Variants in TSHZ2 observed in about 807,000 individuals in gnomAD.
TSHZ2 encodes the protein teashirt zinc finger homeobox 2, also known as teashirt homolog 2.
TSHZ2 carries 21 observed loss-of-function variants against 74.4 expected under a neutral mutation model. The ratio of observed to expected loss-of-function variants is 0.28; its 90% confidence interval spans 0.20 to 0.41. The LOEUF is 0.41. Among genes scored for constraint, TSHZ2 ranks in the 10% least tolerant of loss-of-function variants. The probability of loss-of-function intolerance (pLI) is 1.00; values close to 1 mark genes in which losing one functional copy is unlikely to be tolerated. For synonymous variants in TSHZ2, 540 were observed against 515.3 expected (o/e 1.05, Z -0.65); for missense variants, 1,244 against 1,293.5 (o/e 0.96, Z 0.59).
intron 2 of TSHZ2, among the ~76,000 whole-genome samples, chr20:53,283,926 G>A (rs894982694): frequency 2.0e-5 from 3 of 152,300 alleles, no homozygotes; most frequent in East Asian, 1.9e-4. Context: ...ACCTGTGCTC[G>A]CCTGCTCCAT....
At chr20:53,106,040 A>G (rs1986353852) in intron 1 of TSHZ2, among the ~76,000 whole-genome samples, 1 of 152,230 alleles carries the variant, frequency 6.6e-6, no homozygotes, top group Non-Finnish European at 1.5e-5. Context: ...GGAATTATCA[A>G]ATACAAGTGT....
At chr20:53,100,733 A>G (rs1375184392) in intron 1 of TSHZ2, among the ~76,000 whole-genome samples, 1 of 152,178 alleles carries the variant, frequency 6.6e-6, no homozygotes, top group African/African-American at 2.4e-5. Context: ...CTTCTAAATT[A>G]AATCACATTC....
At chr20:53,299,999 A>T (rs897114817) in intron 2 of TSHZ2, among the ~76,000 whole-genome samples, 9 of 152,236 alleles carry the variant, frequency 5.9e-5, no homozygotes, top group African/African-American at 1.7e-4. Flanking sequence ...CGTGCTGTTC[A>T]GCTAATTCCC....
chr20:53,436,596 A>G (rs1228821520), intron 2 of TSHZ2, among the ~76,000 whole-genome samples: 2 of 132,570 alleles, frequency 1.5e-5, no homozygotes, highest in Non-Finnish European at 3.1e-5. Context: ...TGCAGGCTGG[A>G]GTGCAGTGGT....
At chr20:53,111,766 C>T (rs2123324792) in intron 1 of TSHZ2, among the ~76,000 whole-genome samples, 1 of 152,298 alleles carries the variant, frequency 6.6e-6, no homozygotes, top group Admixed American at 6.5e-5. Context: ...GAAATGCAGA[C>T]CCCAGATCGA....
At chr20:53,160,205 G>A (rs896088755) in intron 1 of TSHZ2, among the ~76,000 whole-genome samples, 1 of 152,260 alleles carries the variant, frequency 6.6e-6, no homozygotes, top group East Asian at 1.9e-4. Flanking sequence ...GACCATACTG[G>A]GCTAAGAATT....
At chr20:53,444,895 A>G (rs572633620) in intron 2 of TSHZ2, among the ~76,000 whole-genome samples, 18 of 152,234 alleles carry the variant, frequency 1.2e-4, no homozygotes, top group African/African-American at 4.3e-4. Flanking sequence ...TCCTTTTTCT[A>G]TTCTAAATCA....
At chr20:53,258,202 T>G (rs988066155) in intron 2 of TSHZ2, among the ~76,000 whole-genome samples, 1 of 152,216 alleles carries the variant, frequency 6.6e-6, no homozygotes, top group Non-Finnish European at 1.5e-5. Flanking sequence ...TTCTTCTCAT[T>G]CTTTCCAAGC....
intron 2 of TSHZ2, among the ~76,000 whole-genome samples, chr20:53,324,737 C>T (rs565735188): frequency 1.3e-5 from 2 of 152,186 alleles, no homozygotes; most frequent in Non-Finnish European, 2.9e-5. Context: ...GCTCTTTCTC[C>T]TGTAATCCTG....
chr20:53,170,370 TAC>T (rs2123483119), intron 1 of TSHZ2, among the ~76,000 whole-genome samples: 1 of 152,370 alleles, frequency 6.6e-6, no homozygotes, highest in Non-Finnish European at 1.5e-5. Context: ...TTAGGATAGA[TAC>T]AGTTTTGTAT....
At chr20:53,175,131 CTTTTTTTTTTTTTTT>C (rs750453219) in intron 1 of TSHZ2, among the ~76,000 whole-genome samples, 24 of 63,640 alleles carry the variant, frequency 3.8e-4, no homozygotes, top group African/African-American at 1.6e-3. Flanking sequence ...CTTCTTCTTT[CTTTTTTTTTTTTTTT>C]TTTTTTTTTT....
intron 1 of TSHZ2, among the ~76,000 whole-genome samples, chr20:53,137,607 A>G (rs1321966495): frequency 4.6e-5 from 7 of 152,116 alleles, no homozygotes; most frequent in African/African-American, 1.4e-4. Context: ...TGGCCCTCAA[A>G]TGAGTCCCTA....
intron 1 of TSHZ2, among the ~76,000 whole-genome samples, chr20:53,055,227 T>G (rs545505320): frequency 6.6e-6 from 1 of 152,236 alleles, no homozygotes; most frequent in East Asian, 1.9e-4. Flanking sequence ...GGTTTTCTTA[T>G]AATCATTCGT....
chr20:53,275,595 G>A (rs940361479), intron 2 of TSHZ2, among the ~76,000 whole-genome samples: 1 of 152,146 alleles, frequency 6.6e-6, no homozygotes, highest in Non-Finnish European at 1.5e-5. Context: ...GGACCTGGGT[G>A]GAAGTTTGTT....
At chr20:53,098,511 C>A (rs1238140791) in intron 1 of TSHZ2, among the ~76,000 whole-genome samples, 1 of 152,092 alleles carries the variant, frequency 6.6e-6, no homozygotes, top group Non-Finnish European at 1.5e-5. Flanking sequence ...CTAAAGAGAC[C>A]TAAATGAGCA....
intron 2 of TSHZ2, among the ~76,000 whole-genome samples, chr20:53,298,945 C>T (rs2145477215): frequency 6.6e-6 from 1 of 152,282 alleles, no homozygotes; most frequent in Admixed American, 6.5e-5. Context: ...AGGTGTGAGC[C>T]TCTGTCCCAA....
intron 1 of TSHZ2, among the ~76,000 whole-genome samples, chr20:53,176,597 T>C (rs769720415): frequency 1.7e-4 from 26 of 152,180 alleles, no homozygotes; most frequent in Non-Finnish European, 3.7e-4. Flanking sequence ...TTCACAGGGC[T>C]TAAGTCAAGA....
chr20:52,992,538 A>C (rs1262430163), intron 1 of TSHZ2, among the ~76,000 whole-genome samples: 2 of 152,194 alleles, frequency 1.3e-5, no homozygotes, highest in African/African-American at 4.8e-5. Context: ...TTGTTCCTTA[A>C]GATCAGCAGG....
At chr20:53,414,995 G>T (rs1983185971) in intron 2 of TSHZ2, among the ~76,000 whole-genome samples, 1 of 152,084 alleles carries the variant, frequency 6.6e-6, no homozygotes, top group African/African-American at 2.4e-5. Flanking sequence ...CTGAGGACAG[G>T]GCCTGTCATA....
Sources: allele counts gnomAD v4.1 joint callset (sites outside exome capture counted in the v4.1 genomes callset), GRCh38; gene constraint gnomAD v4.1.1; transcripts MANE v1.5; gene names NCBI Gene and HGNC (gene_info 2026-07-23, HGNC 2026-07-21).